The following ZFPM2 variants were observed in gnomAD, a reference collection of about 807,000 sequenced individuals.
ZFPM2 encodes the protein zinc finger protein, FOG family member 2, also known as zinc finger protein ZFPM2.
A neutral mutation model predicts 98.6 loss-of-function variants in ZFPM2; 20 were observed. The observed-to-expected ratio is 0.20, with a 90% CI of 0.14 to 0.29. The LOEUF is 0.29. Among genes scored for constraint, ZFPM2 ranks in the 10% least tolerant of loss-of-function variants. The pLI is 1.00. For synonymous variants in ZFPM2, 518 were observed against 502.7 expected (o/e 1.03, Z -0.41); for missense variants, 1,310 against 1,388.6 (o/e 0.94, Z 0.90).
At chr8:105,657,081 A>G (rs564959773) in intron 5 of ZFPM2, among the ~76,000 whole-genome samples, 4 of 152,242 alleles carry the variant, frequency 2.6e-5, no homozygotes, top group African/African-American at 9.6e-5. Flanking sequence ...TATATTTAAT[A>G]TATTTATGGT....
chr8:105,726,449 A>G (rs1408159654), intron 5 of ZFPM2, among the ~76,000 whole-genome samples: 1 of 151,838 alleles, frequency 6.6e-6, no homozygotes, highest in Non-Finnish European at 1.5e-5. Flanking sequence ...AGAAGTCAGC[A>G]AAGAACAACT....
intron 5 of ZFPM2, 61 bp downstream of exon 5, chr8:105,634,418 A>C: frequency 7.8e-7 from 1 of 1,286,576 alleles, no homozygotes. Context: ...ATTGCAAAAC[A>C]GCACCAGAAG....
At chr8:105,328,337 TCTC>T (rs1812153269) in intron 1 of ZFPM2, among the ~76,000 whole-genome samples, 1 of 151,754 alleles carries the variant, frequency 6.6e-6, no homozygotes, top group African/African-American at 2.4e-5. Context: ...AAGTTTAATT[TCTC>T]CTTGAAGAAA....
At chr8:105,544,029 G>A (rs538723570) in intron 3 of ZFPM2, among the ~76,000 whole-genome samples, 1 of 152,224 alleles carries the variant, frequency 6.6e-6, no homozygotes, top group East Asian at 1.9e-4. Flanking sequence ...AAGGTGTTTT[G>A]GAGGCCTGCC....
At chr8:105,626,334 A>G (rs533065765) in intron 4 of ZFPM2, among the ~76,000 whole-genome samples, 5 of 152,310 alleles carry the variant, frequency 3.3e-5, no homozygotes, top group African/African-American at 1.2e-4. Context: ...GAAATTTTCA[A>G]ATTCAATTCA....
intron 1 of ZFPM2, among the ~76,000 whole-genome samples, chr8:105,416,776 T>A (rs1183049084): frequency 6.6e-6 from 1 of 152,066 alleles, no homozygotes; most frequent in Non-Finnish European, 1.5e-5. Context: ...TTTCTGACTT[T>A]GGGGAGGTGT....
At chr8:105,403,297 A>G (rs1811375618) in intron 1 of ZFPM2, among the ~76,000 whole-genome samples, 2 of 152,188 alleles carry the variant, frequency 1.3e-5, no homozygotes, top group Admixed American at 6.6e-5. Flanking sequence ...GTCCAGCTCT[A>G]TAATCCGTCT....
At chr8:105,372,401 G>A in intron 1 of ZFPM2, among the ~76,000 whole-genome samples, 1 of 152,240 alleles carries the variant, frequency 6.6e-6, no homozygotes, top group East Asian at 1.9e-4. Context: ...TTAGCAATTT[G>A]TAATTCTAAG....
chr8:105,377,684 G>T (rs1391116220), intron 1 of ZFPM2, among the ~76,000 whole-genome samples: 1 of 150,668 alleles, frequency 6.6e-6, no homozygotes, highest in Non-Finnish European at 1.5e-5. Context: ...AGAGGCTGAG[G>T]CATGAGGATC....
At chr8:105,624,882 A>G (rs1166385897) in intron 4 of ZFPM2, among the ~76,000 whole-genome samples, 3 of 152,194 alleles carry the variant, frequency 2.0e-5, no homozygotes, top group African/African-American at 7.2e-5. Context: ...TGGACATAAT[A>G]GCCAAGAATT....
At chr8:105,575,637 T>G (rs1016273201) in intron 4 of ZFPM2, among the ~76,000 whole-genome samples, 1 of 152,186 alleles carries the variant, frequency 6.6e-6, no homozygotes, top group Non-Finnish European at 1.5e-5. Context: ...ATTTGCTCCA[T>G]AATCTGTGAT....
At chr8:105,505,039 C>T (rs2130485431) in intron 3 of ZFPM2, among the ~76,000 whole-genome samples, 1 of 152,152 alleles carries the variant, frequency 6.6e-6, no homozygotes, top group South Asian at 2.1e-4. Flanking sequence ...GAAAGGACCC[C>T]AGATTAGATT....
At chr8:105,346,559 A>G (rs1812540713) in intron 1 of ZFPM2, among the ~76,000 whole-genome samples, 1 of 152,166 alleles carries the variant, frequency 6.6e-6, no homozygotes, top group Non-Finnish European at 1.5e-5. Context: ...TATGTGTGCA[A>G]TACATATTAC....
At chr8:105,370,434 C>A (rs140438610) in intron 1 of ZFPM2, among the ~76,000 whole-genome samples, 1 of 152,100 alleles carries the variant, frequency 6.6e-6, no homozygotes, top group Non-Finnish European at 1.5e-5. Context: ...CCTTTAGAGA[C>A]GTTGTAAAGG....
intron 1 of ZFPM2, among the ~76,000 whole-genome samples, chr8:105,327,721 C>G (rs1311924209): frequency 1.3e-5 from 2 of 151,778 alleles, no homozygotes; most frequent in East Asian, 3.9e-4. Context: ...TAAAGCTTAA[C>G]ACACAATTCG....
intron 1 of ZFPM2, among the ~76,000 whole-genome samples, chr8:105,370,550 T>C (rs1349747664): frequency 2.0e-5 from 3 of 152,196 alleles, no homozygotes; most frequent in Non-Finnish European, 4.4e-5. Flanking sequence ...CATTATAATG[T>C]GTACAACATG....
chr8:105,743,976 T>A (rs1457171607), intron 5 of ZFPM2, among the ~76,000 whole-genome samples: 1 of 152,242 alleles, frequency 6.6e-6, no homozygotes, highest in Non-Finnish European at 1.5e-5. Context: ...TATTTGAAAG[T>A]GCCTGTGTAC....
intron 1 of ZFPM2, among the ~76,000 whole-genome samples, chr8:105,325,106 G>A (rs1445747012): frequency 1.3e-5 from 2 of 151,692 alleles, no homozygotes; most frequent in Non-Finnish European, 3.0e-5. Flanking sequence ...TTTGAAACCC[G>A]GTCTAATTCA....
chr8:105,425,943 T>C (rs1477828279), intron 2 of ZFPM2, among the ~76,000 whole-genome samples: 1 of 152,240 alleles, frequency 6.6e-6, no homozygotes, highest in Non-Finnish European at 1.5e-5. Flanking sequence ...TTTTGTTTCC[T>C]GTTTTCTTAT....
Sources: allele counts gnomAD v4.1 joint callset (sites outside exome capture counted in the v4.1 genomes callset), GRCh38; gene constraint gnomAD v4.1.1; transcripts MANE v1.5; gene names NCBI Gene and HGNC (gene_info 2026-07-23, HGNC 2026-07-21).